The following PLCH2 variants were observed in gnomAD, a reference collection of about 807,000 sequenced individuals.
PLCH2 encodes the protein phospholipase C eta 2.
A neutral mutation model predicts 134.7 loss-of-function variants in PLCH2; 98 were observed. The ratio of observed to expected loss-of-function variants is 0.73; its 90% confidence interval spans 0.62 to 0.86. The LOEUF is 0.86. Among genes scored for constraint, PLCH2 ranks in the 40% least tolerant of loss-of-function variants. The pLI, the probability that PLCH2 is intolerant of heterozygous loss-of-function variation, is 0.00. For missense variants in PLCH2, 1,994 were observed against 1,986.6 expected, an observed-to-expected ratio of 1.00 and a Z score of -0.07; for synonymous variants, 974 against 827.5, an observed-to-expected ratio of 1.18 and a Z score of -3.04.
At chr1:2,438,793 C>A (rs1242912644) in intron 2 of PLCH2, among the ~76,000 whole-genome samples, 1 of 152,232 alleles carries the variant, frequency 6.6e-6, no homozygotes, top group African/African-American at 2.4e-5. Context: ...AGTCTGCCAC[C>A]CTCCCTGTGT....
At chr1:2,497,739 A>T in intron 16 of PLCH2, 130 bp downstream of exon 16, 582 of 447,190 alleles carry the variant, frequency 1.3e-3, no homozygotes, top group Middle Eastern at 5.3e-3. Context: ...AGTCCCCTGG[A>T]GGGTCAGGTT....
intron 2 of PLCH2, among the ~76,000 whole-genome samples, chr1:2,455,068 C>A (rs938816558): frequency 6.6e-6 from 1 of 152,202 alleles, no homozygotes; most frequent in Non-Finnish European, 1.5e-5. Context: ...CTCCCTGAAG[C>A]CTCCATGGGC....
At chr1:2,503,390 T>C (rs1643345975) in intron 21 of PLCH2, 1 of 588,406 alleles carries the variant, frequency 1.7e-6, no homozygotes, top group Non-Finnish European at 3.0e-6. Context: ...GTGCAGCTGC[T>C]GGGCGTCTCC....
chr1:2,420,687 C>T, the PLCH2 span, among the ~76,000 whole-genome samples: 2 of 152,182 alleles, frequency 1.3e-5, no homozygotes. Context: ...GACCCAGAGA[C>T]CCCCATTTTG....
Position 2,505,469 on chromosome 1 carries a change from G to T in PLCH2, c.*256G>T, listed in dbSNP as rs376161526. On this transcript the variant is annotated 3_prime_UTR_variant, in exon 22 of 22. Coordinates refer to ENST00000378486, the MANE Select transcript of PLCH2 (RefSeq NM_014638.4). ...CGGCGTTTTAGGATCTGTACATAGAGAAATATTTAAATTTTTAGAAGCAAA... is the reference window on the plus strand; with the variant it reads ...CGGCGTTTTAGGATCTGTACATAGATAAATATTTAAATTTTTAGAAGCAAA... 1 of 527,156 alleles carries T rather than the reference G, an allele frequency of 1.9e-6. No homozygotes were observed. The highest frequency in any genetic ancestry group is 3.3e-6 in the Non-Finnish European group (1 of 301,820). The allele number at this position is 527,156 out of a possible 1,614,324, so 32.7% of individuals were successfully genotyped here. A position where few individuals can be genotyped will look rare whatever the true frequency, so the allele number is the denominator to read the frequency against.
At chr1:2,438,717 AT>A (rs1639549130) in intron 2 of PLCH2, among the ~76,000 whole-genome samples, 1 of 151,858 alleles carries the variant, frequency 6.6e-6, no homozygotes, top group African/African-American at 2.4e-5. Context: ...CTGGAAGTCT[AT>A]TTTCCTCCAA....
Position 2,476,628 on chromosome 1 carries a change from G to C in PLCH2, c.40G>C (p.Gly14Arg), listed in dbSNP as rs771530993. ...PWPSPDSRTKGTVAWLAEVLL... is the reference protein window; with the variant it reads ...PWPSPDSRTKRTVAWLAEVLL... ...GCCCTCCCCCGACAGCCGGACCAAG[G>C]GAACGGTGGCCTGGCTGGCGGAGGT... The change falls in exon 1 of 22, where the codon GGA becomes CGA. Residue 14 changes from glycine (G) to arginine (R), a missense_variant. This residue lies in a region of PLCH2 where 1,094 missense variants were observed against 1,234.3 expected (regional missense o/e 0.89). Transcript: ENST00000378486. 1.9e-6 allele frequency: 3 copies of C among 1,603,084 alleles called. No homozygotes were observed. Among genetic ancestry groups the C allele is most frequent in the South Asian group, 2.2e-5 (2 of 89,668 alleles).
At chr1:2,451,785 G>T (rs1237111514) in intron 2 of PLCH2, among the ~76,000 whole-genome samples, 1 of 152,176 alleles carries the variant, frequency 6.6e-6, no homozygotes, top group African/African-American at 2.4e-5. Flanking sequence ...ACCCTAACGT[G>T]CTCTTGGCCC....
At chr1:2,464,967 G>T (rs577853490), upstream of PLCH2, among the ~76,000 whole-genome samples, 15 of 152,340 alleles carry the variant, frequency 9.8e-5, no homozygotes, top group Admixed American at 5.2e-4. Flanking sequence ...CCTGAGGCTG[G>T]GCTTGGTGTC....
Position 2,499,720 on chromosome 1 carries a change from GGTGA to G in PLCH2, c.2661+4_2661+7del, listed in dbSNP as rs1294549695. On this transcript the variant is annotated splice_donor_variant and splice_donor_region_variant and intron_variant, in intron 20 of 21. Coordinates refer to ENST00000378486, the MANE Select transcript of PLCH2 (RefSeq NM_014638.4). LOFTEE classifies it high-confidence loss of function. ...TGGCTGTCAGTGACATCAGCGGTAA[GGTGA>G]GTGTCACCCCCTGCCACCAGCCATC... The G allele has an allele frequency of 1.9e-6, 3 of 1,578,452 alleles. No individual in the cohort carries two copies. The highest frequency in any genetic ancestry group is 2.6e-6 in the Non-Finnish European group (3 of 1,162,374).
At position 2,489,118 on chromosome 1, in the gene PLCH2, T is replaced by C. The variant is rs143302735; in HGVS notation, c.1236-89T>C. 4.0e-4 allele frequency: 489 copies of C among 1,214,908 alleles called. No homozygotes were observed. The African/African-American group carries it at 6.2e-3, about 15-fold the overall frequency. 75.3% of individuals were successfully genotyped at this position (1,214,908 alleles called of 1,614,324 possible). A position where few individuals can be genotyped will look rare whatever the true frequency, so the allele number is the denominator to read the frequency against. On this transcript the variant is annotated intron_variant, in intron 8 of 21. Transcript: ENST00000378486. ...GTGAAGACCCCTCCTCATTCAATGG[T>C]TTAGATGACCTGGGATCTTGCAGAG...
chr1:2,476,643 C>T lies in PLCH2; in HGVS notation c.55C>T (p.Leu19=). 6.2e-7 allele frequency: 1 copy of T among 1,606,790 alleles called. No individual in the cohort carries two copies. Among genetic ancestry groups the T allele is most frequent in the Non-Finnish European group, 8.5e-7 (1 of 1,177,756 alleles). Residue 19 remains leucine, a synonymous_variant, in exon 1 of 22, where the codon CTG becomes TTG. Transcript: ENST00000378486. The part of the protein sequence containing the change: ...DSRTKGTVAW[L]AEVLLWVGGS... ...CCGGACCAAGGGAACGGTGGCCTGG[C>T]TGGCGGAGGTACTCCTCTGGGTTGG...
chr1:2,426,653 T>C (rs60433957), intron 1 of PLCH2, among the ~76,000 whole-genome samples: 15 of 152,072 alleles, frequency 9.9e-5, no homozygotes, highest in Non-Finnish European at 2.1e-4. Flanking sequence ...CGGGCTCCAC[T>C]CCCTCCATGA....
intron 8 of PLCH2, among the ~76,000 whole-genome samples, chr1:2,488,048 T>C (rs1374180888): frequency 1.3e-5 from 2 of 152,260 alleles, no homozygotes; most frequent in Non-Finnish European, 2.9e-5. Context: ...GTCACTCAGC[T>C]GTGGCTGTAG....
intron 2 of PLCH2, among the ~76,000 whole-genome samples, chr1:2,461,766 C>T (rs981328537): frequency 2.0e-5 from 3 of 152,180 alleles, no homozygotes; most frequent in African/African-American, 7.2e-5. Flanking sequence ...AACCTGTCTG[C>T]AACTCCCCCA....
chr1:2,462,718 G>T (rs1640883454), upstream of PLCH2, among the ~76,000 whole-genome samples: 1 of 152,152 alleles, frequency 6.6e-6, no homozygotes, highest in African/African-American at 2.4e-5. Flanking sequence ...GGGCCCTGGG[G>T]GCTGAGGCAG....
chr1:2,469,316 C>T (rs1641215645), intron 1 of PLCH2, among the ~76,000 whole-genome samples: 1 of 152,188 alleles, frequency 6.6e-6, no homozygotes, highest in South Asian at 2.1e-4. Context: ...AGGGCCTAGT[C>T]TTAGGAGGGG....
intron 2 of PLCH2, among the ~76,000 whole-genome samples, chr1:2,459,486 T>TTGCCGGTGG (rs1640682302): frequency 3.0e-5 from 2 of 65,838 alleles, no homozygotes; most frequent in East Asian, 3.3e-4. Flanking sequence ...GTGGTCCTCC[T>TTGCCGGTGG]TCCTGGTGGT....
chr1:2,470,164 G>A (rs967895953), intron 1 of PLCH2, among the ~76,000 whole-genome samples: 2 of 152,242 alleles, frequency 1.3e-5, no homozygotes, highest in African/African-American at 2.4e-5. Context: ...GACTTGAGTG[G>A]TCTTGATTTC....
Sources: allele counts gnomAD v4.1 joint callset (sites outside exome capture counted in the v4.1 genomes callset), GRCh38; gene constraint gnomAD v4.1.1; regional missense constraint gnomAD v4.1.1; transcripts MANE v1.5; gene names NCBI Gene and HGNC (gene_info 2026-07-23, HGNC 2026-07-21).